GREB1: variants seen among roughly 807,000 people sequenced by gnomAD.
GREB1 encodes the protein growth regulating estrogen receptor binding 1.
GREB1 carries 106 observed loss-of-function variants against 200.7 expected under a neutral mutation model. The observed-to-expected ratio is 0.53, with a 90% CI of 0.45 to 0.62. GREB1 has a LOEUF of 0.62. GREB1 is among the 20% of genes least tolerant of loss of function. GREB1 has a pLI of 0.00. For missense variants in GREB1, 2,243 were observed against 2,556.8 expected (o/e 0.88, Z 2.65); for synonymous variants, 1,132 against 1,092.4 (o/e 1.04, Z -0.72).
At chr2:11,552,463 G>A (rs1317272469) in intron 1 of GREB1, among the ~76,000 whole-genome samples, 1 of 152,196 alleles carries the variant, frequency 6.6e-6, no homozygotes, top group Non-Finnish European at 1.5e-5. Flanking sequence ...CATTTGGGAG[G>A]ATTGAAGCTT....
chr2:11,584,371 T>A (rs529451113), intron 7 of GREB1, among the ~76,000 whole-genome samples: 1 of 152,296 alleles, frequency 6.6e-6, no homozygotes, highest in East Asian at 1.9e-4. Flanking sequence ...GTACTTGATT[T>A]TTTTGAGTCT....
rs552508203 is a variant in GREB1, at chr2:11,581,374, G to T, written c.901+542G>T. 2.4e-4 allele frequency: 54 copies of T among 224,714 alleles called. No individual in the cohort carries two copies. The South Asian group carries it at 6.2e-3, about 26-fold the overall frequency. The allele number at this position is 224,714 out of a possible 1,614,324, so 13.9% of individuals were successfully genotyped here. On this transcript the variant is annotated intron_variant, in intron 7 of 32. Coordinates refer to ENST00000381486, the MANE Select transcript of GREB1 (RefSeq NM_014668.4). The stretch of plus-strand genomic sequence containing the variant: ...GTACCGGCTGTTCTCATCCAAATCA[G>T]CCTCATTGCTGAGGCTCGTCTGCTC...
In GREB1 at chr2:11,627,116, C is replaced by G; in HGVS notation, c.4449+12C>G. 6.4e-7 allele frequency: 1 copy of G among 1,568,742 alleles called. No individual in the cohort carries two copies. The highest frequency in any genetic ancestry group is 8.6e-7 in the Non-Finnish European group (1 of 1,157,098). ...ACCCCCGCTACCAGGTAGGCCCCAGCAGTTCCCCACCAGGCATTTCACCTT... is the reference window on the plus strand; with the variant it reads ...ACCCCCGCTACCAGGTAGGCCCCAGGAGTTCCCCACCAGGCATTTCACCTT... On this transcript the variant is annotated intron_variant, in intron 25 of 32. Transcript: ENST00000381486.
At position 11,580,508 on chromosome 2, in the gene GREB1, G is replaced by T. The variant is rs1324530833; in HGVS notation, c.773-196G>T. Among the ~76,000 whole-genome samples the T allele has an allele frequency of 6.6e-6, 1 of 152,016 alleles. No homozygotes were observed. Among genetic ancestry groups the T allele is most frequent in the East Asian group, 1.9e-4 (1 of 5,194 alleles). On this transcript the variant is annotated intron_variant, in intron 6 of 32. Coordinates refer to ENST00000381486, the MANE Select transcript of GREB1 (RefSeq NM_014668.4). The surrounding 1 kb of genome is among the most constrained non-coding windows in gnomAD (Gnocchi z 4.5). The stretch of plus-strand genomic sequence containing the variant: ...TGTATGTGTGTACACGTGCATGGGG[G>T]TGTGTGTGTGTATGCATGTGTCTGC...
Position 11,548,310 on chromosome 2 carries a change from GCA to G in GREB1, c.-161-8136_-161-8135del, listed in dbSNP as rs199967226. Among the ~76,000 whole-genome samples the G allele has an allele frequency of 2.0e-5, 3 of 150,786 alleles. No homozygotes were observed. The highest frequency in any genetic ancestry group is 2.1e-4 in the South Asian group (1 of 4,796). On this transcript the variant is annotated intron_variant, in intron 1 of 32. Transcript: ENST00000381486. The surrounding 1 kb of genome is among the most constrained non-coding windows in gnomAD (Gnocchi z 5.1). ...CACACACGTGCACATACCCACATAT[GCA>G]CACACACGCACACACCCAGACACGT...
chr2:11,610,561 G>C, intron 17 of GREB1, 127 bp from the exon 18 acceptor site: 1 of 679,480 alleles, frequency 1.5e-6, no homozygotes, highest in Non-Finnish European at 2.5e-6. Flanking sequence ...CCACCTTCCA[G>C]AGGCAACACA....
intron 7 of GREB1, among the ~76,000 whole-genome samples, chr2:11,584,157 A>T (rs949877240): frequency 3.3e-5 from 5 of 152,172 alleles, no homozygotes; most frequent in Non-Finnish European, 7.3e-5. Flanking sequence ...ACAGAGTTTT[A>T]AAAGTTTCCC....
chr2:11,512,348 A>AT (rs1558492303), intron 1 of GREB1, among the ~76,000 whole-genome samples: 1 of 152,192 alleles, frequency 6.6e-6, no homozygotes, highest in Admixed American at 6.5e-5. Context: ...GAAGTAGAAA[A>AT]TTTTTTTAAA....
In GREB1 at chr2:11,539,000, CTT is replaced by C. The variant is rs1572618037; in HGVS notation, c.-162+4748_-162+4749del. ...TCCCCTCCTCTCCTCTCTTCTCCTC[CTT>C]TCTCCCTTCTCCTCCCTTCTCTTCT... On this transcript the variant is annotated intron_variant, in intron 1 of 32. Coordinates refer to ENST00000381486, the MANE Select transcript of GREB1 (RefSeq NM_014668.4). 3.9e-5 allele frequency among the ~76,000 whole-genome samples: 4 copies of C among 101,510 alleles called. No individual in the cohort carries two copies. In the East Asian group the frequency reaches 1.0e-3, roughly 26 times the overall value. The allele number at this position is 101,510 out of a possible 152,430, so 66.6% of individuals were successfully genotyped here. A position where few individuals can be genotyped will look rare whatever the true frequency, so the allele number is the denominator to read the frequency against.
chr2:11,562,388 A>G, intron 2 of GREB1, 75 bp from the exon 3 acceptor site: 1 of 1,578,188 alleles, frequency 6.3e-7, no homozygotes, highest in African/African-American at 1.4e-5. Flanking sequence ...GAATGCAGGC[A>G]GAGGAAAGGC....
intron 4 of GREB1, among the ~76,000 whole-genome samples, chr2:11,571,990 C>T (rs978988527): frequency 1.3e-4 from 20 of 152,244 alleles, no homozygotes; most frequent in Admixed American, 3.9e-4. Flanking sequence ...GGATTACAGG[C>T]GTGAGCCACC....
At chr2:11,557,796 C>G (rs1160072975) in intron 2 of GREB1, among the ~76,000 whole-genome samples, 1 of 152,164 alleles carries the variant, frequency 6.6e-6, no homozygotes, top group Non-Finnish European at 1.5e-5. Context: ...AGACTGTGGT[C>G]AAAACCATGC....
intron 1 of GREB1, among the ~76,000 whole-genome samples, chr2:11,488,539 C>A (rs1672708695): frequency 6.6e-6 from 1 of 151,906 alleles, no homozygotes; most frequent in Non-Finnish European, 1.5e-5. Context: ...GCCTGTAATC[C>A]CAGCACTTTG....
intron 30 of GREB1, 106 bp from the exon 31 acceptor site, chr2:11,637,610 G>T: frequency 1.2e-6 from 1 of 850,018 alleles, no homozygotes; most frequent in Non-Finnish European, 1.9e-6. Context: ...TCATTCCCCT[G>T]AGTGACACAA....
At chr2:11,487,208 CATTG>C (rs1480634666) in intron 1 of GREB1, among the ~76,000 whole-genome samples, 3 of 152,084 alleles carry the variant, frequency 2.0e-5, no homozygotes, top group African/African-American at 7.2e-5. Flanking sequence ...GGTAAAACGT[CATTG>C]ATTGATGGTA....
chr2:11,571,253 T>C (rs1168238608), intron 4 of GREB1, among the ~76,000 whole-genome samples: 1 of 152,226 alleles, frequency 6.6e-6, no homozygotes, highest in Non-Finnish European at 1.5e-5. Flanking sequence ...GTATAGTGTG[T>C]GCTCGTCTGA....
At chr2:11,602,665 T>C (rs1572885063) in intron 17 of GREB1, 123 bp downstream of exon 17, 1 of 773,412 alleles carries the variant, frequency 1.3e-6, no homozygotes, top group East Asian at 2.5e-5. Flanking sequence ...ACTCAGTTTC[T>C]CCACTAAATG....
At chr2:11,614,521 T>C (rs1194114379) in intron 19 of GREB1, among the ~76,000 whole-genome samples, 1 of 152,138 alleles carries the variant, frequency 6.6e-6, no homozygotes, top group Non-Finnish European at 1.5e-5. Flanking sequence ...CGCTAGGAAG[T>C]AGCAGAGCTC....
intron 4 of GREB1, among the ~76,000 whole-genome samples, chr2:11,574,283 A>C (rs1678612948): frequency 6.6e-6 from 1 of 152,240 alleles, no homozygotes; most frequent in African/African-American, 2.4e-5. Flanking sequence ...CTGCGAGCTT[A>C]GAGGAATAAT....
Sources: allele counts gnomAD v4.1 joint callset (sites outside exome capture counted in the v4.1 genomes callset), GRCh38; gene constraint gnomAD v4.1.1; non-coding constraint Gnocchi (gnomAD v3.1); transcripts MANE v1.5; gene names NCBI Gene and HGNC (gene_info 2026-07-23, HGNC 2026-07-21).